Variants in MTUS2 observed in about 807,000 individuals in gnomAD.
MTUS2 encodes the protein microtubule associated scaffold protein 2.
MTUS2 carries 40 observed loss-of-function variants against 114.1 expected under a neutral mutation model. That is an observed-to-expected ratio of 0.35 (90% CI 0.27 to 0.46). The LOEUF (loss-of-function observed/expected upper bound fraction) is 0.46, where lower values mean the gene tolerates loss of function less well. Among genes scored for constraint, MTUS2 ranks in the 20% least tolerant of loss-of-function variants. The probability of loss-of-function intolerance (pLI) is 1.00; values close to 1 mark genes in which losing one functional copy is unlikely to be tolerated. For missense variants in MTUS2, 1,679 were observed against 1,705.4 expected (o/e 0.98, Z 0.27); for synonymous variants, 688 against 672.0 (o/e 1.02, Z -0.37).
At position 29,401,489 on chromosome 13, in the gene MTUS2, G is replaced by A. The variant is rs570899100; in HGVS notation, c.3118-38494G>A. ...TGCCTCTGATACAGCAAAAGTTTTCGTTTTTCTGTTTACATTTTGGCTCCA... is the reference window on the plus strand; with the variant it reads ...TGCCTCTGATACAGCAAAAGTTTTCATTTTTCTGTTTACATTTTGGCTCCA... On this transcript the variant is annotated intron_variant, in intron 8 of 15. Coordinates refer to ENST00000612955, the MANE Select transcript of MTUS2 (RefSeq NM_001033602.4). Among the ~76,000 whole-genome samples the A allele has an allele frequency of 9.1e-4, 138 of 152,132 alleles. 1 individual carries two copies. Among genetic ancestry groups the A allele is most frequent in the Admixed American group, 2.3e-3 (35 of 15,286 alleles).
chr13:29,161,664 T>G (rs1893102976), intron 5 of MTUS2, among the ~76,000 whole-genome samples: 1 of 152,216 alleles, frequency 6.6e-6, no homozygotes, highest in Non-Finnish European at 1.5e-5. Flanking sequence ...TCTTCCATTC[T>G]CTCTTTAATT....
intron 5 of MTUS2, among the ~76,000 whole-genome samples, chr13:29,206,543 C>G (rs1461131926): frequency 6.6e-6 from 1 of 152,122 alleles, no homozygotes; most frequent in East Asian, 1.9e-4. Flanking sequence ...GGTTTCAGAT[C>G]TTAGATTTAA....
intron 2 of MTUS2, among the ~76,000 whole-genome samples, chr13:28,981,891 T>C (rs1179532218): frequency 6.6e-6 from 1 of 152,134 alleles, no homozygotes; most frequent in East Asian, 1.9e-4. Context: ...CTCAAGTGGG[T>C]ATGAGCGTAT....
chr13:29,022,992 G>T (rs1477355354), intron 2 of MTUS2, among the ~76,000 whole-genome samples: 1 of 152,174 alleles, frequency 6.6e-6, no homozygotes, highest in Non-Finnish European at 1.5e-5. Flanking sequence ...TAGCAAATCT[G>T]AAAGTCTTTT....
At chr13:29,331,101 T>C (rs938316003) in intron 7 of MTUS2, among the ~76,000 whole-genome samples, 1 of 152,208 alleles carries the variant, frequency 6.6e-6, no homozygotes, top group Non-Finnish European at 1.5e-5. Context: ...TTGTGTCCTC[T>C]CTTATTTCAT....
chr13:29,145,722 G>C (rs1892408036), intron 5 of MTUS2, among the ~76,000 whole-genome samples: 1 of 151,918 alleles, frequency 6.6e-6, no homozygotes, highest in South Asian at 2.1e-4. Flanking sequence ...TTTTTCTGCA[G>C]CTTTCTATTA....
intron 2 of MTUS2, among the ~76,000 whole-genome samples, chr13:28,878,376 G>C (rs1481630509): frequency 6.6e-6 from 1 of 151,950 alleles, no homozygotes; most frequent in East Asian, 1.9e-4. Context: ...AGTATGTGCA[G>C]GTTTGTTGCA....
chr13:29,055,485 G>A (rs1429165604), intron 4 of MTUS2, among the ~76,000 whole-genome samples: 2 of 152,026 alleles, frequency 1.3e-5, no homozygotes, highest in African/African-American at 4.8e-5. Flanking sequence ...AAACACAGTA[G>A]CCTATGGGTA....
intron 2 of MTUS2, among the ~76,000 whole-genome samples, chr13:28,855,056 A>C (rs1469781367): frequency 6.6e-6 from 1 of 152,120 alleles, no homozygotes; most frequent in Non-Finnish European, 1.5e-5. Flanking sequence ...TCATTGGTTT[A>C]GTCAGTTCCC....
chr13:29,065,786 A>T (rs746159271), intron 4 of MTUS2, among the ~76,000 whole-genome samples: 12 of 152,162 alleles, frequency 7.9e-5, no homozygotes, highest in Non-Finnish European at 1.5e-4. Flanking sequence ...TACCTCTCTT[A>T]GCCTCACTTT....
chr13:29,488,968 C>T (rs1469404951), intron 11 of MTUS2, among the ~76,000 whole-genome samples: 1 of 152,212 alleles, frequency 6.6e-6, no homozygotes, highest in Non-Finnish European at 1.5e-5. Context: ...TTACTTTTCC[C>T]TCCCAGTCAG....
intron 5 of MTUS2, among the ~76,000 whole-genome samples, chr13:29,258,246 A>G (rs1217558969): frequency 2.0e-5 from 3 of 152,304 alleles, no homozygotes; most frequent in South Asian, 4.1e-4. Context: ...TTGCAGTTGT[A>G]GGACTGAGGT....
intron 5 of MTUS2, among the ~76,000 whole-genome samples, chr13:29,252,159 T>G (rs74041784): frequency 0.096 from 14,615 of 152,136 alleles, 1,195 homozygotes; most frequent in East Asian, 0.25. Context: ...GGTAATAGTA[T>G]TTTTATAATT....
chr13:29,471,150 C>T (rs1259001971), intron 9 of MTUS2, among the ~76,000 whole-genome samples: 1 of 152,042 alleles, frequency 6.6e-6, no homozygotes, highest in Non-Finnish European at 1.5e-5. Context: ...TGAGACCGGC[C>T]TGGCCAACAT....
At chr13:29,019,024 G>C (rs1281597673) in intron 2 of MTUS2, among the ~76,000 whole-genome samples, 1 of 151,978 alleles carries the variant, frequency 6.6e-6, no homozygotes, top group South Asian at 2.1e-4. Flanking sequence ...ATAAACAATG[G>C]CCCTTACACA....
intron 13 of MTUS2, chr13:29,497,576 C>T: frequency 1.8e-6 from 1 of 551,750 alleles, no homozygotes; most frequent in East Asian, 3.0e-5. Context: ...CCACAGCATT[C>T]CCCAGCTGGA....
chr13:29,159,823 A>G (rs1317055185), intron 5 of MTUS2, among the ~76,000 whole-genome samples: 1 of 152,252 alleles, frequency 6.6e-6, no homozygotes, highest in Non-Finnish European at 1.5e-5. Flanking sequence ...AATGACTGAA[A>G]TAGAAAATAG....
chr13:29,420,479 T>C (rs977920619), intron 8 of MTUS2, among the ~76,000 whole-genome samples: 2 of 152,146 alleles, frequency 1.3e-5, no homozygotes, highest in African/African-American at 4.8e-5. Context: ...GGTTTCACCA[T>C]GTTGGCCAGG....
intron 5 of MTUS2, among the ~76,000 whole-genome samples, chr13:29,249,056 C>T (rs534518502): frequency 2.2e-4 from 33 of 152,252 alleles, no homozygotes; most frequent in African/African-American, 6.0e-4. Context: ...GGTGCTATCT[C>T]GACTCACTGC....
Sources: allele counts gnomAD v4.1 joint callset (sites outside exome capture counted in the v4.1 genomes callset), GRCh38; gene constraint gnomAD v4.1.1; transcripts MANE v1.5; gene names NCBI Gene and HGNC (gene_info 2026-07-23, HGNC 2026-07-21).